The following PHF14 variants were observed in gnomAD, a reference collection of about 807,000 sequenced individuals.
The protein encoded by PHF14 is PHD finger protein 14.
PHF14 carries 55 observed loss-of-function variants against 117.9 expected under a neutral mutation model. That is an observed-to-expected ratio of 0.47 (90% CI 0.38 to 0.58). PHF14 has a LOEUF of 0.58. Ranked by LOEUF, PHF14 falls within the 20% of genes least tolerant of loss-of-function variation. The probability of loss-of-function intolerance (pLI) is 0.00; values close to 1 mark genes in which losing one functional copy is unlikely to be tolerated. For missense variants in PHF14, 978 were observed against 1,122.2 expected (o/e 0.87, Z 1.84); for synonymous variants, 409 against 368.6 (o/e 1.11, Z -1.26).
At chr7:11,142,815 G>A (rs1788437687) in intron 17 of PHF14, among the ~76,000 whole-genome samples, 1 of 152,046 alleles carries the variant, frequency 6.6e-6, no homozygotes. Flanking sequence ...TCTACTGTAA[G>A]TTTTCAGAAA....
In PHF14 at chr7:10,990,856, GCTTT is replaced by G; in HGVS notation, c.1045+14_1045+17del. ...CATTACAGTCCATGAAGGTAATGTT[GCTTT>G]CTTTTCTCTCTTTTTAGAAATGGCT... On this transcript the variant is annotated intron_variant, in intron 4 of 17. Transcript: ENST00000634607. 1.9e-6 allele frequency: 3 copies of G among 1,563,138 alleles called. No individual in the cohort carries two copies. Among genetic ancestry groups the G allele is most frequent in the Non-Finnish European group, 1.7e-6 (2 of 1,151,692 alleles).
chr7:11,018,944 T>C (rs1783628079), intron 5 of PHF14, among the ~76,000 whole-genome samples: 1 of 152,170 alleles, frequency 6.6e-6, no homozygotes, highest in African/African-American at 2.4e-5. Context: ...GTTTTTATGA[T>C]GAAGGGATGT....
intron 16 of PHF14, among the ~76,000 whole-genome samples, chr7:11,075,574 T>A (rs1320458010): frequency 2.0e-5 from 3 of 147,660 alleles, no homozygotes; most frequent in Non-Finnish European, 4.5e-5. Flanking sequence ...GTTTTTTTTT[T>A]TTTTTTTTTT....
chr7:11,007,707 CAGAG>C (rs1783173383), intron 4 of PHF14, among the ~76,000 whole-genome samples: 1 of 152,008 alleles, frequency 6.6e-6, no homozygotes, highest in Non-Finnish European at 1.5e-5. Flanking sequence ...AAATATAGAA[CAGAG>C]AGAAGAAAAA....
At chr7:11,079,644 G>A (rs192045742) in intron 16 of PHF14, among the ~76,000 whole-genome samples, 8 of 152,212 alleles carry the variant, frequency 5.3e-5, no homozygotes, top group Admixed American at 5.2e-4. Flanking sequence ...TAGGGGAAGA[G>A]TGACCAAGCA....
chr7:11,129,554 T>C (rs1202940253), intron 17 of PHF14, among the ~76,000 whole-genome samples: 2 of 148,176 alleles, frequency 1.3e-5, no homozygotes, highest in African/African-American at 5.2e-5. Context: ...GTTTCTTTTT[T>C]TTTTTTTTTT....
intron 14 of PHF14, among the ~76,000 whole-genome samples, chr7:11,053,992 C>T (rs1392435836): frequency 6.6e-6 from 1 of 151,366 alleles, no homozygotes; most frequent in Non-Finnish European, 1.5e-5. Flanking sequence ...TATTTTCTTA[C>T]TTGTAGAAAT....
At chr7:11,033,633 A>G (rs1211283224) in intron 7 of PHF14, among the ~76,000 whole-genome samples, 1 of 152,192 alleles carries the variant, frequency 6.6e-6, no homozygotes, top group Non-Finnish European at 1.5e-5. Context: ...GACAATTAGT[A>G]GTTTCTGCCA....
chr7:11,059,541 C>A (rs1008931270), intron 14 of PHF14, among the ~76,000 whole-genome samples: 4 of 152,074 alleles, frequency 2.6e-5, no homozygotes, highest in African/African-American at 9.7e-5. Context: ...TTTGGGAGGC[C>A]AAGGCAGGTG....
At position 11,036,545 on chromosome 7, in the gene PHF14, G is replaced by A. The variant is rs1331607804; in HGVS notation, c.1730G>A (p.Arg577His). Residue 577 changes from arginine to histidine, a missense_variant, in exon 9 of 18, where the codon CGT becomes CAT. Physicochemically the swap from Arg to His is conservative, Grantham distance 29 (BLOSUM62 0). Around this residue, in one of 7 missense-constraint regions of PHF14, gnomAD observed 237 missense variants for 276.4 expected, o/e 0.86. Coordinates refer to ENST00000634607, the MANE Select transcript of PHF14 (RefSeq NM_001007157.2). The part of the protein sequence containing the change: ...RPLTSSASAI[R>H]KLMRKAELMG... ...CTCACCAGCAGTGCTTCAGCTATTC[G>A]TAAACTTATGCGGAAAGCAGAACTC... 10 of 1,613,824 alleles carry A rather than the reference G, an allele frequency of 6.2e-6. No individual in the cohort carries two copies. The highest frequency in any genetic ancestry group is 2.2e-5 in the South Asian group (2 of 91,090).
In PHF14 at chr7:11,051,768, G is replaced by C. The variant is rs150763937; in HGVS notation, c.2469G>C (p.Pro823=). The C allele has an allele frequency of 4.3e-4, 689 of 1,612,934 alleles. 4 individuals are homozygous for C. The African/African-American group carries it at 7.1e-3, about 17-fold the overall frequency. Residue 823 remains proline, a synonymous_variant, in exon 14 of 18, where the codon CCG becomes CCC. Transcript: ENST00000634607. ...QDVPPEPKKI[P]IRNTRTRGRK... is the part of the protein sequence containing the mutation. ...TGCCACCAGAACCCAAGAAGATTCCGATAAGAAACACGGTAGTTTATTTTT... is the reference window on the plus strand; with the variant it reads ...TGCCACCAGAACCCAAGAAGATTCCCATAAGAAACACGGTAGTTTATTTTT...
chr7:11,055,063 T>A (rs565800325), intron 14 of PHF14, among the ~76,000 whole-genome samples: 1 of 152,242 alleles, frequency 6.6e-6, no homozygotes, highest in African/African-American at 2.4e-5. Context: ...ATTCTTCTTA[T>A]GTTTCATCAG....
chr7:11,038,305 C>A (rs1261523450), intron 10 of PHF14, among the ~76,000 whole-genome samples: 1 of 151,754 alleles, frequency 6.6e-6, no homozygotes, highest in Non-Finnish European at 1.5e-5. Flanking sequence ...GTGGAGGGTG[C>A]CTGTAATCCC....
Position 11,013,784 on chromosome 7 carries a change from G to A in PHF14, c.1083G>A (p.Met361Ile). Residue 361 changes from methionine to isoleucine, a missense_variant, in exon 5 of 18, where the codon ATG (methionine) becomes ATA (isoleucine). By Grantham distance (10) the Met-to-Ile change is conservative. Transcript: ENST00000634607. ...YGVDGESDSI[M>I]SSASENSTEP... is the part of the protein sequence containing the mutation. Reference sequence around the variant, plus strand: ...TTGATGGAGAGAGTGACTCTATTATGAGTTCAGCTTCTGAAAACTCCACTG... The same window carrying A: ...TTGATGGAGAGAGTGACTCTATTATAAGTTCAGCTTCTGAAAACTCCACTG... 6.2e-7 allele frequency: 1 copy of A among 1,601,760 alleles called. No individual in the cohort carries two copies. The highest frequency in any genetic ancestry group is 1.1e-5 in the South Asian group (1 of 89,402).
At chr7:11,071,817 TAAAG>T (rs1038599453) in intron 16 of PHF14, among the ~76,000 whole-genome samples, 2 of 152,206 alleles carry the variant, frequency 1.3e-5, no homozygotes, top group African/African-American at 4.8e-5. Flanking sequence ...AACTTCTAAT[TAAAG>T]AAGTGTTAAA....
chr7:11,087,770 A>G (rs973210637), intron 16 of PHF14, among the ~76,000 whole-genome samples: 1 of 152,144 alleles, frequency 6.6e-6, no homozygotes, highest in Non-Finnish European at 1.5e-5. Context: ...ATATGGACAC[A>G]TGTATGAGAC....
intron 5 of PHF14, among the ~76,000 whole-genome samples, chr7:11,016,806 C>A (rs1182603168): frequency 6.6e-6 from 1 of 151,960 alleles, no homozygotes; most frequent in Non-Finnish European, 1.5e-5. Flanking sequence ...CTGTAGTCAC[C>A]CTGTTGTGCT....
At chr7:10,998,199 G>A (rs1297057483) in intron 4 of PHF14, among the ~76,000 whole-genome samples, 1 of 152,014 alleles carries the variant, frequency 6.6e-6, no homozygotes, top group African/African-American at 2.4e-5. Flanking sequence ...TAGTAATTAG[G>A]GAAAAAAGGA....
Position 11,103,442 on chromosome 7 carries a change from G to T in PHF14, c.2655-7908G>T, listed in dbSNP as rs542259464. 410 of 981,948 alleles carry T rather than the reference G, an allele frequency of 4.2e-4. 1 individual carries two copies. In the Middle Eastern group the frequency reaches 8.9e-3, roughly 21 times the overall value. The allele number at this position is 981,948 out of a possible 1,614,324, so 60.8% of individuals were successfully genotyped here. ...GAAAGAAAGATCTTCATCAACATCT[G>T]TATCTTTCCAGAGGTATACAGAATT... On this transcript the variant is annotated intron_variant, in intron 16 of 17. Transcript: ENST00000634607.
Sources: allele counts gnomAD v4.1 joint callset (sites outside exome capture counted in the v4.1 genomes callset), GRCh38; gene constraint gnomAD v4.1.1; regional missense constraint gnomAD v4.1.1; transcripts MANE v1.5; gene names NCBI Gene and HGNC (gene_info 2026-07-23, HGNC 2026-07-21).